TNIK: variants seen among roughly 807,000 people sequenced by gnomAD.
The protein encoded by TNIK is TRAF2 and NCK interacting kinase.
In TNIK, 49 loss-of-function variants were observed where a neutral mutation model predicts 191.3. The ratio of observed to expected loss-of-function variants is 0.26; its 90% CI spans 0.20 to 0.32. The LOEUF is 0.32. Among genes scored for constraint, TNIK ranks in the 10% least tolerant of loss-of-function variants. TNIK has a pLI of 1.00. For synonymous variants in TNIK, 594 were observed against 600.9 expected (o/e 0.99, Z 0.17); for missense variants, 1,155 against 1,702.3 (o/e 0.68, Z 5.66).
Position 171,159,272 on chromosome 3 carries a change from G to A in TNIK, c.1017-1608C>T, listed in dbSNP as rs907743632. Among the ~76,000 whole-genome samples the A allele has an allele frequency of 6.6e-6, 1 of 151,966 alleles. No homozygotes were observed. Among genetic ancestry groups the A allele is most frequent in the Admixed American group, 6.6e-5 (1 of 15,262 alleles). ...TGTGGACAGATCTGACATGTGGAGTGAGGGATGACTTGCAGGTTCTGTCTT... is the reference window on the plus strand; with the variant it reads ...TGTGGACAGATCTGACATGTGGAGTAAGGGATGACTTGCAGGTTCTGTCTT... On this transcript the variant is annotated intron_variant, in intron 11 of 32. Transcript: ENST00000436636. The surrounding 1 kb of genome is among the most constrained non-coding windows in gnomAD (Gnocchi z 4.1).
intron 11 of TNIK, 44 bp from the exon 12 acceptor site, chr3:171,157,708 G>A: frequency 6.5e-7 from 1 of 1,543,672 alleles, no homozygotes; most frequent in Non-Finnish European, 8.8e-7. Context: ...TGGGGCAGGG[G>A]CCATGGCTAC....
In TNIK at chr3:171,211,184, G is replaced by A. The variant is rs777611252; in HGVS notation, c.238C>T (p.Arg80Trp). ...GCACCATAGTATGTAGCAATATTCC[G>A]GTGATGAGAATATTTCTTCAACATG... Reference protein sequence around the residue: ...INMLKKYSHHRNIATYYGAFI... With the variant: ...INMLKKYSHHWNIATYYGAFI... The change falls in exon 4 of 33, where the codon CGG becomes TGG. Residue 80 changes from arginine (R) to tryptophan (W), a missense_variant. Coordinates refer to ENST00000436636, the MANE Select transcript of TNIK (RefSeq NM_015028.4). 1.9e-5 allele frequency: 30 copies of A among 1,612,314 alleles called. No individual in the cohort carries two copies. The highest frequency in any genetic ancestry group is 1.0e-4 in the Admixed American group (6 of 59,916).
chr3:171,194,375 A>G (rs1351313938), intron 5 of TNIK, 150 bp downstream of exon 5: 1 of 673,808 alleles, frequency 1.5e-6, no homozygotes, highest in African/African-American at 1.8e-5. Context: ...CACTACCACC[A>G]CCACCACCAC....
intron 1 of TNIK, among the ~76,000 whole-genome samples, chr3:171,374,215 C>A (rs1199717338): frequency 6.6e-6 from 1 of 152,160 alleles, no homozygotes; most frequent in Non-Finnish European, 1.5e-5. Context: ...TACCACTGTG[C>A]CCTCTATCCT....
chr3:171,144,155 A>G (rs190859871), intron 12 of TNIK, among the ~76,000 whole-genome samples: 8 of 152,316 alleles, frequency 5.3e-5, no homozygotes, highest in Admixed American at 1.3e-4. Flanking sequence ...CTAGAAGTAT[A>G]TTTTCATCCA....
intron 2 of TNIK, among the ~76,000 whole-genome samples, chr3:171,231,312 G>GTT (rs1014986137): frequency 2.9e-5 from 4 of 139,774 alleles, no homozygotes; most frequent in African/African-American, 1.2e-4. Flanking sequence ...TGTTGTTGTT[G>GTT]TTTTGTTTTT....
At chr3:171,072,220 A>C (rs1403419077) in intron 28 of TNIK, among the ~76,000 whole-genome samples, 1 of 152,206 alleles carries the variant, frequency 6.6e-6, no homozygotes. Context: ...CATGGCAGTC[A>C]GTTTCTTGGT....
chr3:171,433,543 T>A (rs1725627384), intron 1 of TNIK, among the ~76,000 whole-genome samples: 1 of 152,186 alleles, frequency 6.6e-6, no homozygotes, highest in South Asian at 2.1e-4. Flanking sequence ...AAAACTTTTA[T>A]GCGGCAAATA....
intron 2 of TNIK, among the ~76,000 whole-genome samples, chr3:171,314,742 C>T (rs572339931): frequency 5.9e-5 from 9 of 151,932 alleles, no homozygotes; most frequent in African/African-American, 9.7e-5. Flanking sequence ...CACAATAAAA[C>T]GATAGAGAGT....
At chr3:171,146,620 G>A (rs967719954) in intron 12 of TNIK, among the ~76,000 whole-genome samples, 2 of 151,922 alleles carry the variant, frequency 1.3e-5, no homozygotes, top group Non-Finnish European at 2.9e-5. Context: ...TTTGATGGCC[G>A]GGCTCACACC....
At chr3:171,343,695 T>C (rs1401242311) in intron 2 of TNIK, among the ~76,000 whole-genome samples, 2 of 152,192 alleles carry the variant, frequency 1.3e-5, no homozygotes, top group African/African-American at 4.8e-5. Context: ...CCACATCTCA[T>C]ATTTTCCTGC....
At chr3:171,452,010 T>C (rs911035915) in intron 1 of TNIK, among the ~76,000 whole-genome samples, 1 of 152,212 alleles carries the variant, frequency 6.6e-6, no homozygotes, top group African/African-American at 2.4e-5. Context: ...AATTTCCTAC[T>C]TGATGCATAC....
At chr3:171,387,867 T>G (rs774919279) in intron 1 of TNIK, among the ~76,000 whole-genome samples, 1 of 152,062 alleles carries the variant, frequency 6.6e-6, no homozygotes, top group Non-Finnish European at 1.5e-5. Flanking sequence ...AGAGTGATTG[T>G]ATGTTCTCAG....
chr3:171,354,243 C>G (rs542962600), intron 2 of TNIK, among the ~76,000 whole-genome samples: 3 of 152,282 alleles, frequency 2.0e-5, no homozygotes, highest in South Asian at 2.1e-4. Flanking sequence ...TGCTTCTGCT[C>G]TAACCCAAAT....
At chr3:171,309,109 A>C (rs545840682) in intron 2 of TNIK, among the ~76,000 whole-genome samples, 1 of 152,264 alleles carries the variant, frequency 6.6e-6, no homozygotes, top group African/African-American at 2.4e-5. Context: ...TGTTATGATC[A>C]CTGTAGCACT....
At chr3:171,105,635 C>T (rs73037381) in intron 21 of TNIK, among the ~76,000 whole-genome samples, 2,277 of 152,162 alleles carry the variant, frequency 0.015, 56 homozygotes, top group African/African-American at 0.045. Flanking sequence ...ACCTCCATTG[C>T]CCCCTCTCAT....
chr3:171,234,379 C>T (rs1278824742), intron 2 of TNIK, among the ~76,000 whole-genome samples: 1 of 152,204 alleles, frequency 6.6e-6, no homozygotes, highest in Non-Finnish European at 1.5e-5. Flanking sequence ...TCCATATGTG[C>T]AGAACTGTAA....
intron 2 of TNIK, among the ~76,000 whole-genome samples, chr3:171,317,313 C>T (rs780151118): frequency 6.7e-4 from 102 of 152,026 alleles, no homozygotes; most frequent in Admixed American, 3.4e-3. Context: ...CAGGAAGCAC[C>T]AGGGACTCCA....
chr3:171,253,702 C>G (rs893541121), intron 2 of TNIK, among the ~76,000 whole-genome samples: 1 of 151,032 alleles, frequency 6.6e-6, no homozygotes, highest in Non-Finnish European at 1.5e-5. Context: ...TACCTTCTCC[C>G]GAATCCTCTC....
Sources: allele counts gnomAD v4.1 joint callset (sites outside exome capture counted in the v4.1 genomes callset), GRCh38; gene constraint gnomAD v4.1.1; non-coding constraint Gnocchi (gnomAD v3.1); transcripts MANE v1.5; gene names NCBI Gene and HGNC (gene_info 2026-07-23, HGNC 2026-07-21).